CBFB: variants seen among roughly 807,000 people sequenced by gnomAD.
CBFB encodes CBF-beta.
A neutral mutation model predicts 30.4 loss-of-function variants in CBFB; 9 were observed. The ratio of observed to expected loss-of-function variants is 0.30; its 90% confidence interval spans 0.18 to 0.52. The LOEUF is 0.52. Among genes scored for constraint, CBFB ranks in the 20% least tolerant of loss-of-function variants. The probability of loss-of-function intolerance (pLI) is 0.97; values close to 1 mark genes in which losing one functional copy is unlikely to be tolerated. For synonymous variants in CBFB, 94 were observed against 84.0 expected (o/e 1.12, Z -0.65); for missense variants, 170 against 244.0 (o/e 0.70, Z 2.02).
intron 5 of CBFB, among the ~76,000 whole-genome samples, chr16:67,097,994 G>A (rs1276869892): frequency 6.6e-6 from 1 of 152,214 alleles, no homozygotes; most frequent in African/African-American, 2.4e-5. Context: ...GCAGACAGCT[G>A]ATACTCAATA....
chr16:67,063,330 A>G (rs180750442), intron 3 of CBFB, among the ~76,000 whole-genome samples: 2 of 152,342 alleles, frequency 1.3e-5, no homozygotes, highest in East Asian at 3.9e-4. Context: ...TTATTTTCCA[A>G]TATAAGTAGA....
At chr16:67,095,186 G>A (rs1444282730) in intron 5 of CBFB, among the ~76,000 whole-genome samples, 1 of 129,880 alleles carries the variant, frequency 7.7e-6, no homozygotes, top group Non-Finnish European at 1.6e-5. Flanking sequence ...CTCCAGCCTA[G>A]GCAACAAGAG....
rs117914407 is a variant in CBFB at position 67,080,963 on chromosome 16, A to C, written c.400-1250A>C. On this transcript the variant is annotated intron_variant, in intron 4 of 5. Transcript: ENST00000412916. ...ATATGAAATACTGAATTTTTCTTTT[A>C]AAAGTACCTCTGACTTTTTTTTATA... Among the ~76,000 whole-genome samples the C allele has an allele frequency of 1.5e-3, 231 of 152,240 alleles. 3 individuals carry two copies. In the East Asian group the frequency reaches 0.037, roughly 25 times the overall value.
chr16:67,091,733 AT>A (rs1223424406), intron 5 of CBFB, among the ~76,000 whole-genome samples: 1 of 151,782 alleles, frequency 6.6e-6, no homozygotes, highest in African/African-American at 2.4e-5. Flanking sequence ...CCTTTTTAAA[AT>A]TTTTTTTTAA....
intron 3 of CBFB, among the ~76,000 whole-genome samples, chr16:67,049,139 T>C (rs1966691107): frequency 6.7e-6 from 1 of 149,306 alleles, no homozygotes; most frequent in Non-Finnish European, 1.5e-5. Context: ...GTTTTTAATA[T>C]ATTCACAACC....
chr16:67,075,005 A>T (rs1961346222), intron 4 of CBFB, among the ~76,000 whole-genome samples: 1 of 152,040 alleles, frequency 6.6e-6, no homozygotes, highest in Non-Finnish European at 1.5e-5. Flanking sequence ...CCAGCCTGGT[A>T]TGGCAAAACC....
At chr16:67,060,494 C>T (rs917460039) in intron 3 of CBFB, among the ~76,000 whole-genome samples, 2 of 152,128 alleles carry the variant, frequency 1.3e-5, no homozygotes, top group East Asian at 1.9e-4. Flanking sequence ...TTATCTCCTT[C>T]GTGTTGCTCT....
intron 3 of CBFB, among the ~76,000 whole-genome samples, chr16:67,041,437 A>G (rs1966528461): frequency 6.6e-6 from 1 of 152,184 alleles, no homozygotes; most frequent in East Asian, 1.9e-4. Flanking sequence ...AGCCAATAGG[A>G]TTTGCTTATG....
chr16:67,074,278 G>A (rs1361273911), intron 4 of CBFB, among the ~76,000 whole-genome samples: 3 of 152,050 alleles, frequency 2.0e-5, no homozygotes, highest in Non-Finnish European at 4.4e-5. Context: ...AAATGATGCT[G>A]GGACAATAAA....
At chr16:67,045,383 G>A (rs1966606409) in intron 3 of CBFB, among the ~76,000 whole-genome samples, 1 of 152,096 alleles carries the variant, frequency 6.6e-6, no homozygotes, top group African/African-American at 2.4e-5. Context: ...CAGGTATGCT[G>A]GCATGTGCCT....
At chr16:67,068,262 T>C (rs1462947760) in intron 4 of CBFB, among the ~76,000 whole-genome samples, 1 of 152,162 alleles carries the variant, frequency 6.6e-6, no homozygotes, top group Non-Finnish European at 1.5e-5. Flanking sequence ...CAGGATCACA[T>C]GAGCCCAAGA....
chr16:67,066,657 A>G (rs774991634), intron 3 of CBFB, 25 bp from the exon 4 acceptor site: 21 of 1,264,664 alleles, frequency 1.7e-5, no homozygotes, highest in Non-Finnish European at 2.3e-5. Context: ...GTTTTCAATT[A>G]TTTTCATCCT....
At chr16:67,051,729 A>G (rs1008647819) in intron 3 of CBFB, among the ~76,000 whole-genome samples, 3 of 151,090 alleles carry the variant, frequency 2.0e-5, no homozygotes, top group African/African-American at 7.3e-5. Context: ...TAAATGTATT[A>G]TATGATTTTG....
chr16:67,085,841 C>G (rs1420167449), intron 5 of CBFB, among the ~76,000 whole-genome samples: 1 of 151,312 alleles, frequency 6.6e-6, no homozygotes, highest in Non-Finnish European at 1.5e-5. Context: ...CCATGCCCGG[C>G]TAATTTTTTG....
intron 5 of CBFB, among the ~76,000 whole-genome samples, chr16:67,094,318 A>G (rs1961980614): frequency 6.6e-6 from 1 of 151,898 alleles, no homozygotes; most frequent in Non-Finnish European, 1.5e-5. Context: ...CATCTTCCTC[A>G]GTGCCTTCAC....
chr16:67,093,926 C>CT, intron 5 of CBFB, among the ~76,000 whole-genome samples: 1 of 152,290 alleles, frequency 6.6e-6, no homozygotes, highest in South Asian at 2.1e-4. Context: ...AGTCCTGCTT[C>CT]TTAAAGCAGC....
intron 3 of CBFB, among the ~76,000 whole-genome samples, chr16:67,052,540 C>T (rs912788071): frequency 3.3e-5 from 5 of 150,738 alleles, no homozygotes; most frequent in South Asian, 4.2e-4. Flanking sequence ...GGTGCCACTG[C>T]AATCCAACCT....
intron 5 of CBFB, among the ~76,000 whole-genome samples, chr16:67,093,122 A>T (rs1961945020): frequency 6.6e-6 from 1 of 151,938 alleles, no homozygotes; most frequent in Non-Finnish European, 1.5e-5. Flanking sequence ...ATTTTTAAAA[A>T]TTTTTTGTAG....
intron 5 of CBFB, among the ~76,000 whole-genome samples, chr16:67,091,364 TTATAA>T (rs1050321029): frequency 3.3e-5 from 5 of 152,234 alleles, no homozygotes; most frequent in Non-Finnish European, 5.9e-5. Context: ...AACAGCTTTG[TTATAA>T]TAACAGCATC....
Sources: allele counts gnomAD v4.1 joint callset (sites outside exome capture counted in the v4.1 genomes callset), GRCh38; gene constraint gnomAD v4.1.1; transcripts MANE v1.5; gene names NCBI Gene and HGNC (gene_info 2026-07-23, HGNC 2026-07-21).